Variants in ZNF385D observed in about 807,000 individuals in gnomAD.
ZNF385D encodes the protein zinc finger protein 659.
A neutral mutation model predicts 35.8 loss-of-function variants in ZNF385D; 15 were observed. The ratio of observed to expected loss-of-function variants is 0.42; its 90% CI spans 0.28 to 0.64. The LOEUF (loss-of-function observed/expected upper bound fraction) is 0.64. Among genes scored for constraint, ZNF385D ranks in the 30% least tolerant of loss-of-function variants. The pLI is 0.23. For synonymous variants in ZNF385D, 212 were observed against 186.8 expected, an observed-to-expected ratio of 1.13 and a Z score of -1.10; for missense variants, 474 against 494.6, an observed-to-expected ratio of 0.96 and a Z score of 0.39.
At chr3:21,497,325 G>A (rs1211097880) in intron 4 of ZNF385D, among the ~76,000 whole-genome samples, 1 of 151,842 alleles carries the variant, frequency 6.6e-6, no homozygotes, top group Non-Finnish European at 1.5e-5. Flanking sequence ...TAAAATAGCT[G>A]GAAATACAGT....
intron 2 of ZNF385D, among the ~76,000 whole-genome samples, chr3:21,565,105 T>G (rs2063097491): frequency 6.6e-6 from 1 of 152,220 alleles, no homozygotes; most frequent in Non-Finnish European, 1.5e-5. Context: ...AAATAAATTA[T>G]ACACCATTAT....
At chr3:21,988,677 T>A (rs1414708028) in intron 3 of ZNF385D, among the ~76,000 whole-genome samples, 1 of 151,530 alleles carries the variant, frequency 6.6e-6, no homozygotes, top group African/African-American at 2.4e-5. Flanking sequence ...CAGGCCTCCT[T>A]GAGCTGTGGT....
intron 3 of ZNF385D, among the ~76,000 whole-genome samples, chr3:22,114,021 T>G (rs1702679291): frequency 6.6e-6 from 1 of 152,130 alleles, no homozygotes; most frequent in East Asian, 1.9e-4. Flanking sequence ...CTATAAATGT[T>G]TTAAATATTA....
At chr3:21,820,057 T>C (rs2073336798) in intron 3 of ZNF385D, among the ~76,000 whole-genome samples, 1 of 151,232 alleles carries the variant, frequency 6.6e-6, no homozygotes, top group South Asian at 2.1e-4. Flanking sequence ...AGTAAGAATA[T>C]AAAATATGTG....
chr3:22,300,973 G>C (rs1039570801), intron 2 of ZNF385D, among the ~76,000 whole-genome samples: 1 of 152,118 alleles, frequency 6.6e-6, no homozygotes, highest in East Asian at 1.9e-4. Flanking sequence ...TTGTCAAAGA[G>C]ACATCTGTAT....
intron 3 of ZNF385D, chr3:21,511,498 G>C (rs1226599406): frequency 5.6e-6 from 2 of 359,042 alleles, no homozygotes; most frequent in Non-Finnish European, 1.1e-5. Context: ...ACACAAAACA[G>C]GGGAAGTAAG....
intron 3 of ZNF385D, chr3:21,542,668 C>G (rs755506960): frequency 1.3e-5 from 2 of 152,262 alleles, no homozygotes; most frequent in Non-Finnish European, 2.9e-5. Context: ...GTACCCTGGA[C>G]AAACTCTAAT....
At chr3:22,074,220 G>A (rs1056913831) in intron 3 of ZNF385D, among the ~76,000 whole-genome samples, 1 of 146,002 alleles carries the variant, frequency 6.8e-6, no homozygotes, top group Admixed American at 6.7e-5. Context: ...CATTTGCTCT[G>A]AAGAGAAAAG....
At chr3:22,125,146 T>C (rs1389492787) in intron 3 of ZNF385D, among the ~76,000 whole-genome samples, 1 of 152,192 alleles carries the variant, frequency 6.6e-6, no homozygotes, top group Non-Finnish European at 1.5e-5. Context: ...ATGTTCAGTT[T>C]ACCCAGCATC....
At chr3:22,036,091 TA>T (rs1698299393) in intron 3 of ZNF385D, among the ~76,000 whole-genome samples, 1 of 152,162 alleles carries the variant, frequency 6.6e-6, no homozygotes. Flanking sequence ...CATGAGTATT[TA>T]AAATAACATG....
chr3:22,110,028 C>A (rs1702428785), intron 3 of ZNF385D, among the ~76,000 whole-genome samples: 1 of 152,070 alleles, frequency 6.6e-6, no homozygotes, highest in South Asian at 2.1e-4. Flanking sequence ...CCAAAAGACA[C>A]ATGAAAAAAT....
At chr3:21,485,323 C>G (rs1704948148) in intron 4 of ZNF385D, among the ~76,000 whole-genome samples, 1 of 152,146 alleles carries the variant, frequency 6.6e-6, no homozygotes, top group South Asian at 2.1e-4. Context: ...GGTCCTAATG[C>G]AAACATTAGA....
intron 4 of ZNF385D, among the ~76,000 whole-genome samples, chr3:21,506,299 G>A (rs1024554591): frequency 6.6e-6 from 1 of 152,062 alleles, no homozygotes; most frequent in Non-Finnish European, 1.5e-5. Context: ...CCTAGTCCTG[G>A]AGTTAAATTA....
chr3:22,099,059 T>A (rs1224693458), intron 3 of ZNF385D, among the ~76,000 whole-genome samples: 1 of 152,052 alleles, frequency 6.6e-6, no homozygotes, highest in Non-Finnish European at 1.5e-5. Context: ...GCAAAAAAAA[T>A]CCAATCTACT....
At chr3:22,072,472 T>C (rs1700275156) in intron 3 of ZNF385D, among the ~76,000 whole-genome samples, 1 of 152,120 alleles carries the variant, frequency 6.6e-6, no homozygotes, top group Non-Finnish European at 1.5e-5. Flanking sequence ...CTAGAACTCG[T>C]CAGCTGCTTG....
intron 2 of ZNF385D, among the ~76,000 whole-genome samples, chr3:22,244,778 T>C (rs573209728): frequency 2.6e-5 from 4 of 151,030 alleles, no homozygotes; most frequent in Admixed American, 6.6e-5. Context: ...AGCTCTAAAA[T>C]CATTGTAGGC....
At chr3:22,253,468 T>C (rs564298026) in intron 2 of ZNF385D, among the ~76,000 whole-genome samples, 1 of 152,100 alleles carries the variant, frequency 6.6e-6, no homozygotes, top group South Asian at 2.1e-4. Context: ...TATTCAGTTA[T>C]GAAGATTAGA....
chr3:22,267,155 A>G (rs1329289962), intron 2 of ZNF385D, among the ~76,000 whole-genome samples: 1 of 151,966 alleles, frequency 6.6e-6, no homozygotes, highest in Non-Finnish European at 1.5e-5. Flanking sequence ...AATCTGAAAG[A>G]GTTCAACTTG....
chr3:22,088,553 G>T (rs934364985), intron 3 of ZNF385D, among the ~76,000 whole-genome samples: 5 of 152,122 alleles, frequency 3.3e-5, no homozygotes, highest in African/African-American at 1.2e-4. Context: ...AAATGCTCTT[G>T]TACTCCTGAG....
Sources: gnomAD v4.1 joint callset for allele counts (sites outside exome capture counted in the v4.1 genomes callset) on GRCh38, gnomAD v4.1.1 for gene constraint, MANE v1.5 for transcripts, NCBI Gene and HGNC (gene_info 2026-07-23, HGNC 2026-07-21) for gene names.